The following RBFOX1 variants were observed in gnomAD, a reference collection of about 807,000 sequenced individuals.
The protein encoded by RBFOX1 is RNA binding fox-1 homolog 1.
Under a neutral mutation model 57.7 loss-of-function variants are expected in RBFOX1, and 8 were observed. That is an observed-to-expected ratio of 0.14 (90% CI 0.08 to 0.25). The LOEUF (loss-of-function observed/expected upper bound fraction) is 0.25. Among genes scored for constraint, RBFOX1 ranks in the 10% least tolerant of loss-of-function variants. The pLI is 1.00. For missense variants in RBFOX1, 611 were observed against 548.5 expected (o/e 1.11, Z -1.14); for synonymous variants, 326 against 222.4 (o/e 1.47, Z -4.15).
intron 4 of RBFOX1, among the ~76,000 whole-genome samples, chr16:7,153,827 G>C (rs1273539672): frequency 1.3e-5 from 2 of 152,014 alleles, no homozygotes; most frequent in East Asian, 3.9e-4. Context: ...CCATGAGGAA[G>C]ATGCCCTCAA....
chr16:7,498,328 C>T (rs1016122205), intron 4 of RBFOX1, among the ~76,000 whole-genome samples: 10 of 152,092 alleles, frequency 6.6e-5, no homozygotes, highest in Non-Finnish European at 2.9e-5. Flanking sequence ...TATTAATGAA[C>T]TAGCTAATGG....
At chr16:6,773,008 G>A (rs1263877925) in intron 3 of RBFOX1, among the ~76,000 whole-genome samples, 1 of 143,166 alleles carries the variant, frequency 7.0e-6, no homozygotes, top group African/African-American at 2.6e-5. Flanking sequence ...GCATATGTGT[G>A]TGTGTGTGTG....
At chr16:5,394,496 C>T (rs985873442) in intron 1 of RBFOX1, among the ~76,000 whole-genome samples, 1 of 151,842 alleles carries the variant, frequency 6.6e-6, no homozygotes, top group African/African-American at 2.4e-5. Context: ...AAACATATCT[C>T]AAATCTCTTT....
At chr16:5,509,720 G>A (rs1158023411) in intron 2 of RBFOX1, among the ~76,000 whole-genome samples, 1 of 152,174 alleles carries the variant, frequency 6.6e-6, no homozygotes, top group African/African-American at 2.4e-5. Flanking sequence ...GAGAGCTTTC[G>A]GGGCTTGGGC....
At chr16:5,642,639 T>C (rs1176374771) in intron 3 of RBFOX1, among the ~76,000 whole-genome samples, 4 of 152,118 alleles carry the variant, frequency 2.6e-5, no homozygotes, top group Non-Finnish European at 2.9e-5. Flanking sequence ...CCCAGCCTCA[T>C]GTCCTCACTG....
At chr16:7,610,804 C>T (rs1304215750) in intron 10 of RBFOX1, among the ~76,000 whole-genome samples, 1 of 152,180 alleles carries the variant, frequency 6.6e-6, no homozygotes. Flanking sequence ...CTATGCAAAG[C>T]GATAGATGCA....
At chr16:5,346,958 A>G (rs561341981) in intron 1 of RBFOX1, among the ~76,000 whole-genome samples, 2 of 152,084 alleles carry the variant, frequency 1.3e-5, no homozygotes, top group South Asian at 2.1e-4. Context: ...GTTCACTGAT[A>G]TCTGGCTTTT....
intron 1 of RBFOX1, among the ~76,000 whole-genome samples, chr16:5,399,165 C>T (rs925063876): frequency 1.3e-5 from 2 of 152,180 alleles, no homozygotes; most frequent in Non-Finnish European, 2.9e-5. Flanking sequence ...GTTTCCTTAT[C>T]TGTAAAATGC....
chr16:6,274,777 A>G (rs189731384), intron 1 of RBFOX1, among the ~76,000 whole-genome samples: 18 of 152,320 alleles, frequency 1.2e-4, no homozygotes, highest in Non-Finnish European at 2.5e-4. Flanking sequence ...CTAATTTAAA[A>G]GGGACATTTA....
chr16:7,143,589 C>A (rs1459621249), intron 4 of RBFOX1, among the ~76,000 whole-genome samples: 1 of 152,100 alleles, frequency 6.6e-6, no homozygotes, highest in African/African-American at 2.4e-5. Flanking sequence ...TCCCAGACCT[C>A]CTTCTCACTC....
intron 4 of RBFOX1, among the ~76,000 whole-genome samples, chr16:7,405,336 G>T: frequency 6.6e-6 from 1 of 152,222 alleles, no homozygotes; most frequent in East Asian, 1.9e-4. Context: ...AAAGCCTTCA[G>T]CTGCGATGAG....
intron 3 of RBFOX1, among the ~76,000 whole-genome samples, chr16:5,809,493 C>G (rs2055345626): frequency 6.6e-6 from 1 of 152,042 alleles, no homozygotes; most frequent in African/African-American, 2.4e-5. Flanking sequence ...AACAAACAAC[C>G]CCATCAAAAA....
rs532842214 is a variant in RBFOX1 at position 7,141,498 on chromosome 16, G to A, written c.27+89400G>A. Among the ~76,000 whole-genome samples, 6 of 152,210 alleles carry A rather than the reference G, an allele frequency of 3.9e-5. 1 individual carries two copies. In the South Asian group the frequency reaches 6.2e-4, roughly 16 times the overall value. On this transcript the variant is annotated intron_variant, in intron 4 of 15. Transcript: ENST00000550418. ...AGCAGTCAATGAGAGCATAAAGCAC[G>A]GAAATGGAGTTTTGCTAGAGTGCAT...
At chr16:7,670,139 C>G (rs2070897879) in intron 13 of RBFOX1, among the ~76,000 whole-genome samples, 1 of 152,142 alleles carries the variant, frequency 6.6e-6, no homozygotes, top group African/African-American at 2.4e-5. Flanking sequence ...TCAAGCAATT[C>G]TCCTGCCTTA....
chr16:5,353,927 G>T (rs2065323873), intron 1 of RBFOX1, among the ~76,000 whole-genome samples: 1 of 152,082 alleles, frequency 6.6e-6, no homozygotes, highest in East Asian at 1.9e-4. Context: ...AAACACATCA[G>T]CCTGGGGCGG....
At chr16:7,305,765 C>T (rs2096166860) in intron 4 of RBFOX1, among the ~76,000 whole-genome samples, 1 of 152,150 alleles carries the variant, frequency 6.6e-6, no homozygotes, top group Non-Finnish European at 1.5e-5. Context: ...TTTTTGAGAA[C>T]AGTCTTAAAA....
chr16:6,387,543 A>G (rs1256197902), intron 2 of RBFOX1, among the ~76,000 whole-genome samples: 2 of 152,142 alleles, frequency 1.3e-5, no homozygotes, highest in African/African-American at 4.8e-5. Flanking sequence ...CTTAAATTCA[A>G]GATATTTGGG....
At chr16:6,805,238 G>C (rs2086464710) in intron 3 of RBFOX1, among the ~76,000 whole-genome samples, 1 of 152,162 alleles carries the variant, frequency 6.6e-6, no homozygotes, top group African/African-American at 2.4e-5. Flanking sequence ...GTCTTTTGCA[G>C]GAACATGGAT....
chr16:6,674,496 ATT>A (rs1267668422), intron 3 of RBFOX1, among the ~76,000 whole-genome samples: 1 of 151,908 alleles, frequency 6.6e-6, no homozygotes, highest in Non-Finnish European at 1.5e-5. Flanking sequence ...TAATTTTTGT[ATT>A]TTTAGTAGAG....
Sources: gnomAD v4.1 joint callset for allele counts (sites outside exome capture counted in the v4.1 genomes callset) on GRCh38, gnomAD v4.1.1 for gene constraint, MANE v1.5 for transcripts, NCBI Gene and HGNC (gene_info 2026-07-23, HGNC 2026-07-21) for gene names.